GASK1A: variants seen among roughly 807,000 people sequenced by gnomAD.
The protein encoded by GASK1A is golgi associated kinase 1A, also known as Golgi-associated kinase 1A.
Under a neutral mutation model 41.2 loss-of-function variants are expected in GASK1A, and 40 were observed. The ratio of observed to expected loss-of-function variants is 0.97; its 90% CI spans 0.75 to 1.27. The LOEUF is 1.27. Ranked by LOEUF, GASK1A falls within the 50% of genes most tolerant of loss-of-function variation. The pLI is 0.00. For synonymous variants in GASK1A, 316 were observed against 307.1 expected, an observed-to-expected ratio of 1.03 and a Z score of -0.30; for missense variants, 678 against 745.1, an observed-to-expected ratio of 0.91 and a Z score of 1.05.
chr3:43,050,618 CCCTT>C (rs1217953372), intron 2 of GASK1A, among the ~76,000 whole-genome samples: 1 of 152,030 alleles, frequency 6.6e-6, no homozygotes, highest in African/African-American at 2.4e-5. Context: ...ACATCATCCT[CCCTT>C]CCTTTTAAAA....
intron 1 of GASK1A, among the ~76,000 whole-genome samples, chr3:43,021,563 C>A (rs895361631): frequency 6.6e-6 from 1 of 152,288 alleles, no homozygotes; most frequent in Admixed American, 6.5e-5. Context: ...GAAGTGGGGA[C>A]AGAAAATCCC....
intron 3 of GASK1A, 32 bp from the exon 4 acceptor site, chr3:43,055,400 C>CACCTCTGTCTCTGTCCACCCTCTTCCCT (rs1437544028): frequency 6.7e-7 from 1 of 1,495,960 alleles, no homozygotes; most frequent in South Asian, 1.2e-5. Context: ...CACCCTTACC[C>CACCTCTGTCTCTGTCCACCCTCTTCCCT]ACCTCTGTCT....
intron 2 of GASK1A, among the ~76,000 whole-genome samples, chr3:43,036,045 C>T (rs776788972): frequency 1.8e-4 from 28 of 152,230 alleles, no homozygotes; most frequent in Middle Eastern, 3.2e-3. Flanking sequence ...TTGCAAAGCC[C>T]CAGTCCAGCT....
chr3:43,053,592 G>A lies in GASK1A; in HGVS notation c.1362G>A (p.Arg454=). The change falls in exon 3 of 5, where the codon AGG becomes AGA. Residue 454 remains arginine (R), a synonymous_variant. Coordinates refer to ENST00000430121, the MANE Select transcript of GASK1A (RefSeq NM_001129908.3). The part of the protein sequence containing the change: ...PEPSDPCVEE[R]LREKCQNPAE... ...CCTCAGACCCCTGTGTGGAAGAGAG[G>A]CTCCGAGAGAAATGCCAGAACCCAG... 1 of 1,551,716 alleles carries A rather than the reference G, an allele frequency of 6.4e-7. No individual in the cohort carries two copies. Among genetic ancestry groups the A allele is most frequent in the Non-Finnish European group, 8.7e-7 (1 of 1,147,002 alleles).
At chr3:43,018,704 T>A (rs2089506726) in intron 1 of GASK1A, among the ~76,000 whole-genome samples, 1 of 152,224 alleles carries the variant, frequency 6.6e-6, no homozygotes, top group African/African-American at 2.4e-5. Flanking sequence ...AAAATATTTT[T>A]ATTTTTCCTC....
chr3:43,026,894 T>A (rs1052175101), intron 1 of GASK1A, among the ~76,000 whole-genome samples: 3 of 152,200 alleles, frequency 2.0e-5, no homozygotes, highest in African/African-American at 7.2e-5. Context: ...AGACTTGTGT[T>A]TACCTTTTCT....
At chr3:43,028,139 C>A (rs567999558) in intron 1 of GASK1A, among the ~76,000 whole-genome samples, 3 of 152,296 alleles carry the variant, frequency 2.0e-5, no homozygotes, top group Admixed American at 2.0e-4. Flanking sequence ...GAGACCAAGG[C>A]TTTATCATGC....
chr3:43,033,271 T>C lies in GASK1A; in HGVS notation c.1008T>C (p.Arg336=). The C allele has an allele frequency of 6.4e-7, 1 of 1,551,648 alleles. No individual in the cohort carries two copies. The highest frequency in any genetic ancestry group is 8.7e-7 in the Non-Finnish European group (1 of 1,146,984). Residue 336 remains arginine (R), a synonymous_variant, in exon 2 of 5, where the codon CGT becomes CGC. Transcript: ENST00000430121. Reference sequence around the variant, plus strand: ...AGGTCCTGTCCTTCCACGTAGATCGTGTGCTGGGGCTGCGCCGGAGCCTAC... The same window carrying C: ...AGGTCCTGTCCTTCCACGTAGATCGCGTGCTGGGGCTGCGCCGGAGCCTAC... ...LPEVLSFHVD[R]VLGLRRSLPA... is the part of the protein sequence containing the mutation.
chr3:42,996,040 G>A (rs2089367431), intron 1 of GASK1A, among the ~76,000 whole-genome samples: 1 of 152,208 alleles, frequency 6.6e-6, no homozygotes, highest in Admixed American at 6.5e-5. Flanking sequence ...TGTGGATGTG[G>A]AGAGGGCTCC....
intron 1 of GASK1A, among the ~76,000 whole-genome samples, chr3:43,009,594 C>G (rs1182097513): frequency 1.3e-5 from 2 of 152,332 alleles, no homozygotes; most frequent in East Asian, 3.9e-4. Flanking sequence ...TTTGAAGTCT[C>G]TTTTTCGAGT....
At chr3:42,988,297 A>G (rs527588326) in intron 1 of GASK1A, among the ~76,000 whole-genome samples, 48 of 152,288 alleles carry the variant, frequency 3.2e-4, no homozygotes, top group African/African-American at 1.1e-3. Context: ...ACTTGTGGGC[A>G]GTTTTTGTTT....
Position 43,053,596 on chromosome 3 carries a change from C to G in GASK1A, c.1366C>G (p.Arg456Gly), listed in dbSNP as rs1212728053. ...AGACCCCTGTGTGGAAGAGAGGCTC[C>G]GAGAGAAATGCCAGAACCCAGCCGA... Reference protein sequence around the residue: ...PSDPCVEERLREKCQNPAELR... With the variant: ...PSDPCVEERLGEKCQNPAELR... The change falls in exon 3 of 5, where the codon CGA becomes GGA. Residue 456 changes from arginine (R) to glycine (G), a missense_variant. Transcript: ENST00000430121. 1 of 1,551,662 alleles carries G rather than the reference C, an allele frequency of 6.4e-7. No individual in the cohort carries two copies. The highest frequency in any genetic ancestry group is 8.7e-7 in the Non-Finnish European group (1 of 1,146,976).
rs572226668 is a variant in GASK1A at position 43,017,126 on chromosome 3, CAGAT to C, written c.4-15137_4-15134del. ...CTCAGGAAGGGGCAGTGTGAAATCA[CAGAT>C]AGAGGCAGTGTGAAGTCACAGAGGC... On this transcript the variant is annotated intron_variant, in intron 1 of 4. Transcript: ENST00000430121. Among the ~76,000 whole-genome samples, 111 of 148,762 alleles carry C rather than the reference CAGAT, an allele frequency of 7.5e-4. 1 individual carries two copies. Among genetic ancestry groups the C allele is most frequent in the South Asian group, 1.1e-3 (5 of 4,632 alleles).
rs1575432773 is a variant in GASK1A, at chr3:42,984,271, C to T, written c.3+4626C>T. 6.6e-6 allele frequency among the ~76,000 whole-genome samples: 1 copy of T among 150,992 alleles called. No individual in the cohort carries two copies. The highest frequency in any genetic ancestry group is 1.5e-5 in the Non-Finnish European group (1 of 67,856). Reference sequence around the variant, plus strand: ...GATTGTGGGAAAATCCCAGGCCGCCCTTCTTTATGTGGATTTCACTTCCTA... The same window carrying T: ...GATTGTGGGAAAATCCCAGGCCGCCTTTCTTTATGTGGATTTCACTTCCTA... On this transcript the variant is annotated intron_variant, in intron 1 of 4. Transcript: ENST00000430121. The surrounding 1 kb of genome is among the most constrained non-coding windows in gnomAD (Gnocchi z 4.2).
chr3:42,997,555 T>A (rs2089383466), intron 1 of GASK1A, among the ~76,000 whole-genome samples: 1 of 152,156 alleles, frequency 6.6e-6, no homozygotes, highest in Non-Finnish European at 1.5e-5. Context: ...CATGGGCTGT[T>A]CTGGCCCTCA....
Position 43,022,082 on chromosome 3 carries a change from C to G in GASK1A, c.4-10185C>G, listed in dbSNP as rs150806078. The stretch of plus-strand genomic sequence containing the variant: ...GAGGGGAGGAGGTGGGGCCGCCCCC[C>G]GGCATGTCTGCAATGGCAGGGTCAG... On this transcript the variant is annotated intron_variant, in intron 1 of 4. Coordinates refer to ENST00000430121, the MANE Select transcript of GASK1A (RefSeq NM_001129908.3). 5.1e-3 allele frequency among the ~76,000 whole-genome samples: 774 copies of G among 152,328 alleles called. 9 individuals are homozygous for G. Among genetic ancestry groups the G allele is most frequent in the African/African-American group, 0.018 (728 of 41,580 alleles).
At chr3:42,983,178 T>C (rs2089290764) in intron 1 of GASK1A, among the ~76,000 whole-genome samples, 1 of 152,160 alleles carries the variant, frequency 6.6e-6, no homozygotes, top group Non-Finnish European at 1.5e-5. Context: ...CGTGTGGCTC[T>C]GGGTAAGCGC....
At chr3:43,006,801 T>G (rs905824988) in intron 1 of GASK1A, among the ~76,000 whole-genome samples, 1 of 152,234 alleles carries the variant, frequency 6.6e-6, no homozygotes, top group East Asian at 1.9e-4. Flanking sequence ...GATATGGCGA[T>G]GTATTATCAA....
chr3:43,021,963 C>T (rs186803254), intron 1 of GASK1A, among the ~76,000 whole-genome samples: 125 of 152,220 alleles, frequency 8.2e-4, no homozygotes, highest in African/African-American at 3.0e-3. Flanking sequence ...AGCTGTAGAA[C>T]CACACAGTGA....
Sources: gnomAD v4.1 joint callset for allele counts (sites outside exome capture counted in the v4.1 genomes callset) on GRCh38, gnomAD v4.1.1 for gene constraint, Gnocchi (gnomAD v3.1) non-coding constraint, MANE v1.5 for transcripts, NCBI Gene and HGNC (gene_info 2026-07-23, HGNC 2026-07-21) for gene names.